Variants in KAT6B observed in about 807,000 individuals in gnomAD.
KAT6B encodes histone acetyltransferase KAT6B.
Under a neutral mutation model 187.5 loss-of-function variants are expected in KAT6B, and 10 were observed. The observed-to-expected ratio is 0.05, with a 90% CI of 0.03 to 0.09. The LOEUF (loss-of-function observed/expected upper bound fraction) is 0.09, where lower values mean the gene tolerates loss of function less well. KAT6B is among the 10% of genes least tolerant of loss of function. The pLI, the probability that KAT6B is intolerant of heterozygous loss-of-function variation, is 1.00. For missense variants in KAT6B, 1,952 were observed against 2,558.9 expected (o/e 0.76, Z 5.12); for synonymous variants, 861 against 926.8 (o/e 0.93, Z 1.29).
intron 3 of KAT6B, among the ~76,000 whole-genome samples, chr10:74,866,233 A>G (rs921851446): frequency 6.6e-6 from 1 of 151,878 alleles, no homozygotes; most frequent in Non-Finnish European, 1.5e-5. Context: ...CAATATGATA[A>G]TGGCATTTTG....
intron 14 of KAT6B, 151 bp from the exon 15 acceptor site, chr10:75,020,975 G>C: frequency 1.0e-6 from 1 of 967,684 alleles, no homozygotes; most frequent in Non-Finnish European, 1.6e-6. Flanking sequence ...CTTTTTTACT[G>C]GTTGGATTCC....
intron 3 of KAT6B, among the ~76,000 whole-genome samples, chr10:74,948,102 G>A (rs1840072933): frequency 2.6e-5 from 4 of 152,180 alleles, no homozygotes; most frequent in Admixed American, 2.6e-4. Context: ...TACTGCTTAT[G>A]AATACTGCAA....
chr10:74,974,083 G>A (rs1473139777), intron 7 of KAT6B, among the ~76,000 whole-genome samples: 1 of 152,112 alleles, frequency 6.6e-6, no homozygotes, highest in African/African-American at 2.4e-5. Flanking sequence ...CAATCCAAAT[G>A]CAGCTTTCTG....
chr10:74,936,131 G>A (rs946598506), intron 3 of KAT6B, among the ~76,000 whole-genome samples: 2 of 152,148 alleles, frequency 1.3e-5, no homozygotes, highest in African/African-American at 4.8e-5. Context: ...GGCCGGGTGC[G>A]GTGGCTCTTC....
chr10:74,898,454 T>C (rs544281115), intron 3 of KAT6B, among the ~76,000 whole-genome samples: 17 of 144,996 alleles, frequency 1.2e-4, no homozygotes, highest in African/African-American at 4.4e-4. Flanking sequence ...CTTTCTACAA[T>C]TTTTTTTTTT....
intron 3 of KAT6B, among the ~76,000 whole-genome samples, chr10:74,853,989 T>C (rs1391047817): frequency 6.6e-6 from 1 of 152,184 alleles, no homozygotes; most frequent in African/African-American, 2.4e-5. Context: ...CTTTTTGTTT[T>C]GTTTATAAAC....
At position 74,880,282 on chromosome 10, in the gene KAT6B, A is replaced by C. The variant is rs368657409; in HGVS notation, c.621+36804A>C. ...CACTCATCTATTTTCTGTCTCTATA[A>C]CTTTGCGTATTTTAGACATGTCATA... On this transcript the variant is annotated intron_variant, in intron 3 of 17. Transcript: ENST00000287239. 7.9e-5 allele frequency among the ~76,000 whole-genome samples: 12 copies of C among 152,232 alleles called. No individual in the cohort carries two copies. The East Asian group carries it at 1.7e-3, about 22-fold the overall frequency.
At chr10:74,999,236 A>G (rs1259256394) in intron 13 of KAT6B, among the ~76,000 whole-genome samples, 1 of 152,180 alleles carries the variant, frequency 6.6e-6, no homozygotes. Context: ...AAATACTGGT[A>G]TTTATTGAAT....
chr10:74,951,833 C>G (rs188923036), intron 3 of KAT6B, among the ~76,000 whole-genome samples: 128 of 152,282 alleles, frequency 8.4e-4, no homozygotes, highest in African/African-American at 2.7e-3. Flanking sequence ...AAATAAAAGA[C>G]AGTTGACAAT....
chr10:74,840,502 C>A (rs1022090994), intron 2 of KAT6B, among the ~76,000 whole-genome samples: 1 of 152,146 alleles, frequency 6.6e-6, no homozygotes, highest in East Asian at 1.9e-4. Flanking sequence ...TATGGGGTGG[C>A]AGATTTTTGC....
intron 3 of KAT6B, among the ~76,000 whole-genome samples, chr10:74,894,095 T>C (rs573926033): frequency 2.6e-5 from 4 of 152,338 alleles, no homozygotes; most frequent in African/African-American, 9.6e-5. Context: ...CTCTCTTTTT[T>C]CCCTTGAGAC....
intron 3 of KAT6B, among the ~76,000 whole-genome samples, chr10:74,888,348 G>A (rs1281253192): frequency 2.0e-5 from 3 of 152,104 alleles, no homozygotes; most frequent in East Asian, 3.8e-4. Context: ...AATAGACCAT[G>A]TGCAATACAC....
Position 74,842,847 on chromosome 10 carries a change from A to T in KAT6B, c.-11A>T. 6.2e-7 allele frequency: 1 copy of T among 1,613,872 alleles called. No homozygotes were observed. Among genetic ancestry groups the T allele is most frequent in the Non-Finnish European group, 8.5e-7 (1 of 1,180,010 alleles). ...GGGTAACTTTTGTGTTGAAGAAGTC[A>T]TTTGTCAACCATGGTAAAACTTGCA... On this transcript the variant is annotated 5_prime_UTR_variant, in exon 3 of 18. Coordinates refer to ENST00000287239, the MANE Select transcript of KAT6B (RefSeq NM_012330.4).
chr10:74,827,575 C>T (rs1313416064), intron 1 of KAT6B, among the ~76,000 whole-genome samples: 1 of 151,830 alleles, frequency 6.6e-6, no homozygotes, highest in Non-Finnish European at 1.5e-5. Context: ...AAAGATGATG[C>T]TAAGACAGCA....
At chr10:74,908,320 T>C (rs1846927149) in intron 3 of KAT6B, among the ~76,000 whole-genome samples, 1 of 152,066 alleles carries the variant, frequency 6.6e-6, no homozygotes, top group Non-Finnish European at 1.5e-5. Flanking sequence ...CGCGGCACTT[T>C]GGGAGGCCGA....
rs1841837918 is a variant in KAT6B, at chr10:74,842,764, T to A, written c.-94T>A. ...AGTCTGGAATACTCTGTCCATTTGT[T>A]GAATTGTAAATGACTTTCAAATGTG... On this transcript the variant is annotated 5_prime_UTR_variant, in exon 3 of 18. An upstream open reading frame in the 5' UTR loses its in-frame stop. Coordinates refer to ENST00000287239, the MANE Select transcript of KAT6B (RefSeq NM_012330.4). The A allele has an allele frequency of 7.4e-7, 1 of 1,354,372 alleles. No individual in the cohort carries two copies. The allele number at this position is 1,354,372 out of a possible 1,614,324, so 83.9% of individuals were successfully genotyped here.
chr10:74,948,664 A>G (rs556863173), intron 3 of KAT6B, among the ~76,000 whole-genome samples: 4 of 152,380 alleles, frequency 2.6e-5, no homozygotes, highest in South Asian at 2.1e-4. Context: ...GGGCAACTGC[A>G]GAAGCTCCTA....
chr10:74,985,594 C>G (rs566912445), intron 12 of KAT6B, among the ~76,000 whole-genome samples: 2 of 152,310 alleles, frequency 1.3e-5, no homozygotes, highest in South Asian at 4.2e-4. Context: ...AGAGAATTCT[C>G]CTTTCTCCTT....
At chr10:75,007,738 T>A (rs189708108) in intron 13 of KAT6B, among the ~76,000 whole-genome samples, 333 of 152,328 alleles carry the variant, frequency 2.2e-3, no homozygotes, top group Non-Finnish European at 2.2e-3. Flanking sequence ...TTTATTTTTG[T>A]TTTTTAGAAA....
Sources: gnomAD v4.1 joint callset for allele counts (sites outside exome capture counted in the v4.1 genomes callset) on GRCh38, gnomAD v4.1.1 for gene constraint, MANE v1.5 for transcripts, NCBI Gene and HGNC (gene_info 2026-07-23, HGNC 2026-07-21) for gene names.